The following ATP6V0D2 variants were observed in gnomAD, a reference collection of about 807,000 sequenced individuals.
The protein encoded by ATP6V0D2 is ATPase H+ transporting V0 subunit d2, also known as V-type proton ATPase subunit d 2.
ATP6V0D2 carries 40 observed loss-of-function variants against 40.0 expected under a neutral mutation model. The observed-to-expected ratio is 1.00, with a 90% CI of 0.78 to 1.30. ATP6V0D2 has a LOEUF of 1.30. Among genes scored for constraint, ATP6V0D2 ranks in the 50% most tolerant of loss-of-function variants. The pLI, the probability that ATP6V0D2 is intolerant of heterozygous loss-of-function variation, is 0.00. For synonymous variants in ATP6V0D2, 179 were observed against 156.3 expected (o/e 1.15, Z -1.08); for missense variants, 470 against 423.1 (o/e 1.11, Z -0.97).
chr8:86,152,746 A>G lies in ATP6V0D2; in HGVS notation c.892-70A>G, dbSNP rs528774808. The G allele has an allele frequency of 1.9e-3, 2,742 of 1,458,444 alleles. 6 individuals carry two copies. The highest frequency in any genetic ancestry group is 2.2e-3 in the Non-Finnish European group (2,372 of 1,089,204). The allele number at this position is 1,458,444 out of a possible 1,614,324, so 90.3% of individuals were successfully genotyped here. A position where few individuals can be genotyped will look rare whatever the true frequency, so the allele number is the denominator to read the frequency against. ...AGCACTGCACAAGTTCAAGCCAGTC[A>G]GTAGCTTAATATTATTCCATAATGT... On this transcript the variant is annotated intron_variant, in intron 7 of 7. Coordinates refer to ENST00000285393, the MANE Select transcript of ATP6V0D2 (RefSeq NM_152565.1).
intron 3 of ATP6V0D2, among the ~76,000 whole-genome samples, chr8:86,140,790 G>T (rs938564091): frequency 6.6e-6 from 1 of 152,150 alleles, no homozygotes; most frequent in South Asian, 2.1e-4. Flanking sequence ...CAGGAGAGAG[G>T]GGATGGTTTC....
chr8:86,110,573 G>C (rs546147204), intron 1 of ATP6V0D2, among the ~76,000 whole-genome samples: 1 of 152,278 alleles, frequency 6.6e-6, no homozygotes, highest in African/African-American at 2.4e-5. Flanking sequence ...TTAAGGGAAA[G>C]TTTAGAAGAA....
At chr8:86,145,843 A>G (rs1364384035) in intron 5 of ATP6V0D2, among the ~76,000 whole-genome samples, 2 of 152,262 alleles carry the variant, frequency 1.3e-5, no homozygotes. Context: ...TCAAAGGTAT[A>G]CAATAGCACT....
chr8:86,137,342 C>T (rs1461858849), intron 2 of ATP6V0D2, among the ~76,000 whole-genome samples: 3 of 152,128 alleles, frequency 2.0e-5, no homozygotes, highest in African/African-American at 4.8e-5. Flanking sequence ...ATTCTCTCCC[C>T]TGATTCTCCT....
At chr8:86,132,794 G>A (rs1818844641) in intron 2 of ATP6V0D2, among the ~76,000 whole-genome samples, 2 of 152,170 alleles carry the variant, frequency 1.3e-5, no homozygotes, top group Admixed American at 1.3e-4. Flanking sequence ...ACATGTGAGT[G>A]CAGGTATCCC....
At chr8:86,141,237 C>A (rs1586101296) in intron 3 of ATP6V0D2, among the ~76,000 whole-genome samples, 1 of 152,062 alleles carries the variant, frequency 6.6e-6, no homozygotes, top group Non-Finnish European at 1.5e-5. Flanking sequence ...GGTTGGGGAC[C>A]CCTGGTTTAG....
chr8:86,100,340 T>C (rs1029504218), intron 1 of ATP6V0D2, among the ~76,000 whole-genome samples: 4 of 152,080 alleles, frequency 2.6e-5, no homozygotes, highest in African/African-American at 9.7e-5. Context: ...AATAAGGTGG[T>C]TTAAAGCTTC....
At chr8:86,134,020 T>A (rs1818863931) in intron 2 of ATP6V0D2, among the ~76,000 whole-genome samples, 1 of 151,976 alleles carries the variant, frequency 6.6e-6, no homozygotes, top group African/African-American at 2.4e-5. Flanking sequence ...CCAAGACATG[T>A]CATAATCAAA....
intron 1 of ATP6V0D2, among the ~76,000 whole-genome samples, chr8:86,105,768 C>T (rs1251626879): frequency 2.6e-5 from 4 of 151,828 alleles, no homozygotes; most frequent in Admixed American, 6.6e-5. Flanking sequence ...GCACCCACCA[C>T]CACGCCCGGC....
At chr8:86,149,988 T>C in intron 5 of ATP6V0D2, 124 bp from the exon 6 acceptor site, 2 of 874,058 alleles carry the variant, frequency 2.3e-6, no homozygotes, top group Non-Finnish European at 3.5e-6. Context: ...ATGTCTGGAG[T>C]ATAATTAGAC....
intron 1 of ATP6V0D2, among the ~76,000 whole-genome samples, chr8:86,099,881 A>G (rs1304571791): frequency 1.3e-5 from 2 of 152,172 alleles, no homozygotes; most frequent in African/African-American, 2.4e-5. Context: ...CATTCTACAT[A>G]TTTATAAACA....
chr8:86,125,315 A>C (rs1031797350), intron 2 of ATP6V0D2, among the ~76,000 whole-genome samples: 3 of 152,130 alleles, frequency 2.0e-5, no homozygotes, highest in Non-Finnish European at 4.4e-5. Context: ...GTTTTCCAAA[A>C]CACTACTCCT....
intron 1 of ATP6V0D2, among the ~76,000 whole-genome samples, chr8:86,107,646 G>C (rs12550770): frequency 0.83 from 126,464 of 152,176 alleles, 52,764 homozygotes; most frequent in African/African-American, 0.88. Flanking sequence ...TTCAGTGGCT[G>C]CAAGCTATTT....
At chr8:86,105,611 TTTTTC>T (rs1453056570) in intron 1 of ATP6V0D2, among the ~76,000 whole-genome samples, 6 of 123,558 alleles carry the variant, frequency 4.9e-5, no homozygotes, top group Non-Finnish European at 7.2e-5. Context: ...GTAAACTTCT[TTTTTC>T]TTTTCTTTTT....
At chr8:86,099,933 A>T (rs1307352721) in intron 1 of ATP6V0D2, among the ~76,000 whole-genome samples, 2 of 152,200 alleles carry the variant, frequency 1.3e-5, no homozygotes, top group East Asian at 3.8e-4. Context: ...GATCTATGAC[A>T]AAGAAAAAAT....
rs1819179011 is a variant in ATP6V0D2, at chr8:86,153,058, T to C, written c.*81T>C. 8.1e-7 allele frequency: 1 copy of C among 1,238,298 alleles called. No individual in the cohort carries two copies. The highest frequency in any genetic ancestry group is 1.8e-5 in the South Asian group (1 of 57,048). 76.7% of individuals were successfully genotyped at this position (1,238,298 alleles called of 1,614,324 possible). A position where few individuals can be genotyped will look rare whatever the true frequency, so the allele number is the denominator to read the frequency against. On this transcript the variant is annotated 3_prime_UTR_variant, in exon 8 of 8. Transcript: ENST00000285393. ...AGAAAATAAAAGAAATTATGTTATATTATCTAGACTACACAAAAGTAAGCC... is the reference window on the plus strand; with the variant it reads ...AGAAAATAAAAGAAATTATGTTATACTATCTAGACTACACAAAAGTAAGCC...
intron 2 of ATP6V0D2, among the ~76,000 whole-genome samples, chr8:86,120,329 A>C (rs1818652693): frequency 6.6e-6 from 1 of 152,060 alleles, no homozygotes; most frequent in Non-Finnish European, 1.5e-5. Context: ...TGAGTCTAGG[A>C]GATTGAGGCT....
chr8:86,099,195 A>G, intron 1 of ATP6V0D2, 87 bp downstream of exon 1: 3 of 1,397,444 alleles, frequency 2.1e-6, no homozygotes, highest in Non-Finnish European at 2.8e-6. Context: ...AAAAAAGCCC[A>G]TAATCATATG....
Position 86,121,604 on chromosome 8 carries a change from G to GGAGGAGGAGGAGGAGGAT in ATP6V0D2, c.302+7739_302+7740insGATGAGGAGGAGGAGGAG, listed in dbSNP as rs1554588161. On this transcript the variant is annotated intron_variant, in intron 2 of 7. Coordinates refer to ENST00000285393, the MANE Select transcript of ATP6V0D2 (RefSeq NM_152565.1). Reference sequence around the variant, plus strand: ...AGGAGGAGGAGGAGGAGGAGGAGGAGGAGGAGGAGGAGGAGAAGGAGAAAG... The same window carrying GGAGGAGGAGGAGGAGGAT: ...AGGAGGAGGAGGAGGAGGAGGAGGAGGAGGAGGAGGAGGAGGATGAGGAGGAGGAGGAGAAGGAGAAAG... Among the ~76,000 whole-genome samples the GGAGGAGGAGGAGGAGGAT allele has an allele frequency of 1.3e-3, 184 of 141,184 alleles. 3 individuals are homozygous for GGAGGAGGAGGAGGAGGAT. The highest frequency in any genetic ancestry group is 4.6e-3 in the African/African-American group (173 of 37,732). 92.6% of individuals were successfully genotyped at this position (141,184 alleles called of 152,430 possible).
Sources: allele counts gnomAD v4.1 joint callset (sites outside exome capture counted in the v4.1 genomes callset), GRCh38; gene constraint gnomAD v4.1.1; transcripts MANE v1.5; gene names NCBI Gene and HGNC (gene_info 2026-07-23, HGNC 2026-07-21).